The following TBL1XR1 variants were observed in gnomAD, a reference collection of about 807,000 sequenced individuals.
TBL1XR1 encodes the protein TBL1X/Y related 1.
A neutral mutation model predicts 66.9 loss-of-function variants in TBL1XR1; 5 were observed. The observed-to-expected ratio is 0.07, with a 90% CI of 0.04 to 0.16. TBL1XR1 has a LOEUF of 0.16. Ranked by LOEUF, TBL1XR1 falls within the 10% of genes least tolerant of loss-of-function variation. TBL1XR1 has a pLI of 1.00. For missense variants in TBL1XR1, 238 were observed against 623.2 expected (o/e 0.38, Z 6.58); for synonymous variants, 210 against 206.0 (o/e 1.02, Z -0.17).
At chr3:177,199,321 GAACT>G (rs762795829), upstream of TBL1XR1, among the ~76,000 whole-genome samples, 48 of 151,682 alleles carry the variant, frequency 3.2e-4, no homozygotes, top group Middle Eastern at 3.5e-3. Context: ...GTTTACCTCA[GAACT>G]AACACCTTTC....
upstream of TBL1XR1, among the ~76,000 whole-genome samples, chr3:177,199,605 T>G (rs73171149): frequency 0.061 from 9,218 of 152,158 alleles, 388 homozygotes; most frequent in Middle Eastern, 0.095. Context: ...ATACCATTCT[T>G]AAAGCGTCAT....
intron 2 of TBL1XR1, among the ~76,000 whole-genome samples, chr3:177,097,057 C>T (rs1002112144): frequency 6.6e-6 from 1 of 152,084 alleles, no homozygotes; most frequent in Non-Finnish European, 1.5e-5. Flanking sequence ...ATCCTCCTAT[C>T]AACATACTGA....
chr3:177,112,094 TATATATATATATA>T (rs1338758531), intron 1 of TBL1XR1, among the ~76,000 whole-genome samples: 11 of 49,056 alleles, frequency 2.2e-4, no homozygotes, highest in African/African-American at 7.1e-4. Flanking sequence ...TATATATATA[TATATATATATATA>T]TTTTTTTTTT....
At chr3:177,199,303 T>TGA (rs1263840859), upstream of TBL1XR1, among the ~76,000 whole-genome samples, 1 of 152,158 alleles carries the variant, frequency 6.6e-6, no homozygotes, top group East Asian at 1.9e-4. Context: ...ATTCTAAAGC[T>TGA]GAGGCTTGTT....
At chr3:177,071,540 A>G (rs1212674903) in intron 2 of TBL1XR1, among the ~76,000 whole-genome samples, 1 of 152,168 alleles carries the variant, frequency 6.6e-6, no homozygotes, top group Non-Finnish European at 1.5e-5. Flanking sequence ...AAAATGTCCA[A>G]AAGATTGTTC....
upstream of TBL1XR1, among the ~76,000 whole-genome samples, chr3:177,199,830 G>C (rs1247299110): frequency 6.6e-6 from 1 of 152,100 alleles, no homozygotes; most frequent in East Asian, 1.9e-4. Flanking sequence ...TATCCCTGTA[G>C]TTTACAAGAC....
intron 1 of TBL1XR1, among the ~76,000 whole-genome samples, chr3:177,196,029 A>AT (rs2109025994): frequency 6.6e-6 from 1 of 152,274 alleles, no homozygotes; most frequent in East Asian, 1.9e-4. Flanking sequence ...CAAAGAGAGC[A>AT]TTTTTTAAAA....
chr3:177,117,243 T>C (rs1432788849), intron 1 of TBL1XR1, among the ~76,000 whole-genome samples: 1 of 152,208 alleles, frequency 6.6e-6, no homozygotes, highest in East Asian at 1.9e-4. Context: ...TCTAGTATTA[T>C]TATTCCTGTT....
chr3:177,046,247 T>C (rs936874266), intron 9 of TBL1XR1, 58 bp from the exon 10 acceptor site: 5 of 1,261,622 alleles, frequency 4.0e-6, no homozygotes, highest in Middle Eastern at 1.9e-4. Flanking sequence ...CATACATGTG[T>C]AAAGTATATG....
intron 10 of TBL1XR1, among the ~76,000 whole-genome samples, chr3:177,040,218 G>A (rs1461814899): frequency 6.6e-6 from 1 of 152,154 alleles, no homozygotes. Flanking sequence ...GGAAGGCTGA[G>A]GCAGGAGGAC....
chr3:177,198,096 C>T (rs1055647378), upstream of TBL1XR1, among the ~76,000 whole-genome samples: 1 of 152,136 alleles, frequency 6.6e-6, no homozygotes, highest in Non-Finnish European at 1.5e-5. Flanking sequence ...TTGTGAAAAT[C>T]TCTGTGAACA....
chr3:177,046,971 G>C (rs1716414062), intron 9 of TBL1XR1, among the ~76,000 whole-genome samples: 1 of 152,112 alleles, frequency 6.6e-6, no homozygotes, highest in African/African-American at 2.4e-5. Context: ...ACCAGCTCTA[G>C]AATTTCCCAT....
chr3:177,061,579 C>A (rs185228684), intron 3 of TBL1XR1, among the ~76,000 whole-genome samples: 1 of 152,260 alleles, frequency 6.6e-6, no homozygotes, highest in East Asian at 1.9e-4. Context: ...CTTTGAATGT[C>A]CCTGCACAAA....
chr3:177,174,340 C>A (rs1219330419), intron 1 of TBL1XR1, among the ~76,000 whole-genome samples: 1 of 136,064 alleles, frequency 7.3e-6, no homozygotes, highest in Non-Finnish European at 1.5e-5. Flanking sequence ...ACCCAGGAGG[C>A]AGAGCTTGCA....
chr3:177,177,842 G>T (rs993736499), intron 1 of TBL1XR1, among the ~76,000 whole-genome samples: 25 of 151,840 alleles, frequency 1.6e-4, no homozygotes, highest in African/African-American at 6.1e-4. Context: ...GCCCCTCCCT[G>T]TTCTCATGCA....
chr3:177,092,730 A>AC (rs397876486), intron 2 of TBL1XR1, among the ~76,000 whole-genome samples: 9 of 151,830 alleles, frequency 5.9e-5, no homozygotes, highest in African/African-American at 2.2e-4. Context: ...AAAAAAAAAA[A>AC]CCTAGAATTA....
intron 2 of TBL1XR1, among the ~76,000 whole-genome samples, chr3:177,092,623 C>T (rs889671687): frequency 1.3e-5 from 2 of 151,900 alleles, no homozygotes; most frequent in East Asian, 1.9e-4. Flanking sequence ...AGCAAACAAA[C>T]AGCAAATGTT....
At chr3:177,073,581 T>C (rs1320583463) in intron 2 of TBL1XR1, among the ~76,000 whole-genome samples, 2 of 152,178 alleles carry the variant, frequency 1.3e-5, no homozygotes, top group African/African-American at 4.8e-5. Context: ...TTTACTTAAA[T>C]TTAGTTTTTC....
At chr3:177,085,716 A>C (rs1722036981) in intron 2 of TBL1XR1, among the ~76,000 whole-genome samples, 1 of 152,206 alleles carries the variant, frequency 6.6e-6, no homozygotes, top group Non-Finnish European at 1.5e-5. Context: ...ATGACAATAA[A>C]ATTCTGTTTT....
Sources: allele counts gnomAD v4.1 joint callset (sites outside exome capture counted in the v4.1 genomes callset), GRCh38; gene constraint gnomAD v4.1.1; transcripts MANE v1.5; gene names NCBI Gene and HGNC (gene_info 2026-07-23, HGNC 2026-07-21).